RER1: variants seen among roughly 807,000 people sequenced by gnomAD.
The protein encoded by RER1 is protein RER1.
A neutral mutation model predicts 28.3 loss-of-function variants in RER1; 6 were observed. The ratio of observed to expected loss-of-function variants is 0.21; its 90% CI spans 0.12 to 0.42. The LOEUF (loss-of-function observed/expected upper bound fraction) is 0.42. Ranked by LOEUF, RER1 falls within the 10% of genes least tolerant of loss-of-function variation. RER1 has a pLI of 1.00. For synonymous variants in RER1, 110 were observed against 95.9 expected (o/e 1.15, Z -0.86); for missense variants, 159 against 252.9 (o/e 0.63, Z 2.52).
Position 2,403,372 on chromosome 1 carries a change from C to T in RER1, c.*248C>T, listed in dbSNP as rs538017546. 67 of 429,808 alleles carry T rather than the reference C, an allele frequency of 1.6e-4. No homozygotes were observed. The highest frequency in any genetic ancestry group is 1.0e-3 in the South Asian group (48 of 46,722). The allele number at this position is 429,808 out of a possible 1,614,324, so 26.6% of individuals were successfully genotyped here. A position where few individuals can be genotyped will look rare whatever the true frequency, so the allele number is the denominator to read the frequency against. Reference sequence around the variant, plus strand: ...GGATGGAATTCTAGTCAGCTGCAGGCGGGAAGCCAGGCGGGTGGAGCCCAT... The same window carrying T: ...GGATGGAATTCTAGTCAGCTGCAGGTGGGAAGCCAGGCGGGTGGAGCCCAT... On this transcript the variant is annotated 3_prime_UTR_variant, in exon 7 of 7. Coordinates refer to ENST00000605895, the MANE Select transcript of RER1 (RefSeq NM_007033.5).
chr1:2,393,500 G>A (rs1642722820), intron 1 of RER1, among the ~76,000 whole-genome samples: 1 of 152,206 alleles, frequency 6.6e-6, no homozygotes, highest in Non-Finnish European at 1.5e-5. Flanking sequence ...GGGGCAGCTG[G>A]TGTGAGGGCT....
rs1642778113 is a variant in RER1, at chr1:2,397,118, T to G, written c.84T>G (p.Ile28Met). The stretch of plus-strand genomic sequence containing the variant: ...CTTTTGGACTCTTGTCTTTCTAGAT[T>G]TATCAGTCCTGGCTAGACAAGTCCA... Reference protein sequence around the residue: ...VYRFFTRLGQIYQSWLDKSTP... With the variant: ...VYRFFTRLGQMYQSWLDKSTP... The change falls in exon 3 of 7, where the codon ATT becomes ATG. Residue 28 changes from isoleucine (I) to methionine (M), a missense_variant and splice_region_variant. Physicochemically the swap from Ile to Met is conservative, Grantham distance 10. Transcript: ENST00000605895. 6.2e-7 allele frequency: 1 copy of G among 1,603,714 alleles called. No homozygotes were observed. The highest frequency in any genetic ancestry group is 1.3e-5 in the African/African-American group (1 of 74,740).
At chr1:2,395,986 A>C in intron 2 of RER1, 115 bp downstream of exon 2, 1 of 813,892 alleles carries the variant, frequency 1.2e-6, no homozygotes, top group South Asian at 1.4e-5. Context: ...ACTTCGCCTC[A>C]GGCTCAAACT....
chr1:2,399,779 G>A (rs1322675079), intron 4 of RER1, among the ~76,000 whole-genome samples: 2 of 152,156 alleles, frequency 1.3e-5, no homozygotes, highest in African/African-American at 4.8e-5. Flanking sequence ...AGGTCACATG[G>A]CACCACAGAC....
intron 2 of RER1, 135 bp downstream of exon 2, chr1:2,396,006 C>T: frequency 4.2e-6 from 3 of 719,878 alleles, no homozygotes; most frequent in South Asian, 3.1e-5. Flanking sequence ...TTCCTGAAGA[C>T]AGCGTTCTCT....
chr1:2,399,533 A>C lies in RER1; in HGVS notation c.286+19A>C. The C allele has an allele frequency of 6.6e-7, 1 of 1,518,690 alleles. No homozygotes were observed. The highest frequency in any genetic ancestry group is 2.3e-5 in the East Asian group (1 of 44,426). The allele number at this position is 1,518,690 out of a possible 1,614,324, so 94.1% of individuals were successfully genotyped here. ...GACTCAGGTAGGGTAGCGGCTGTGC[A>C]CTGGGCTGTGTGGGCAGGTTGGGCC... is the stretch of plus-strand genomic sequence containing the variant. On this transcript the variant is annotated intron_variant, in intron 4 of 6. Transcript: ENST00000605895.
At chr1:2,396,058 C>A in intron 2 of RER1, 187 bp downstream of exon 2, 1 of 605,660 alleles carries the variant, frequency 1.7e-6, no homozygotes. Context: ...GGCTCTGGGG[C>A]CACACGTGGT....
At chr1:2,396,483 G>A (rs1005579329) in intron 2 of RER1, 2 of 152,624 alleles carry the variant, frequency 1.3e-5, no homozygotes, top group Non-Finnish European at 2.9e-5. Flanking sequence ...ACAGGCATAT[G>A]TAAGCTTCTA....
In RER1 at chr1:2,405,079, T is replaced by C. The variant is rs1438950774; in HGVS notation, c.*1955T>C. 1 of 160,328 alleles carries C rather than the reference T, an allele frequency of 6.2e-6. No individual in the cohort carries two copies. Among genetic ancestry groups the C allele is most frequent in the East Asian group, 1.8e-4 (1 of 5,494 alleles). 9.9% of individuals were successfully genotyped at this position (160,328 alleles called of 1,614,324 possible). A position where few individuals can be genotyped will look rare whatever the true frequency, so the allele number is the denominator to read the frequency against. On this transcript the variant is annotated 3_prime_UTR_variant, in exon 7 of 7. Transcript: ENST00000605895. ...CGTCTGGGTCAGGAAGAGACCTCTCTGTGCGTCTCAGGCTGAGATGCAGAT... is the reference window on the plus strand; with the variant it reads ...CGTCTGGGTCAGGAAGAGACCTCTCCGTGCGTCTCAGGCTGAGATGCAGAT...
Position 2,398,529 on chromosome 1 carries a change from C to G in RER1, c.187-886C>G, listed in dbSNP as rs1642801038. Among the ~76,000 whole-genome samples the G allele has an allele frequency of 3.3e-5, 5 of 152,338 alleles. No homozygotes were observed. The South Asian group carries it at 8.3e-4, about 25-fold the overall frequency. ...TCAGCTTCCCGAGCAGCTGGGATCACAGGCATGTGCCACCATGCCTGGCTA... is the reference window on the plus strand; with the variant it reads ...TCAGCTTCCCGAGCAGCTGGGATCAGAGGCATGTGCCACCATGCCTGGCTA... On this transcript the variant is annotated intron_variant, in intron 3 of 6. Coordinates refer to ENST00000605895, the MANE Select transcript of RER1 (RefSeq NM_007033.5).
chr1:2,401,766 G>T (rs967236352), intron 5 of RER1, among the ~76,000 whole-genome samples: 2 of 152,136 alleles, frequency 1.3e-5, no homozygotes, highest in African/African-American at 4.8e-5. Context: ...ACTAGGAAGG[G>T]AGAGCTGAGC....
At position 2,399,051 on chromosome 1, in the gene RER1, C is replaced by T. The variant is rs181695415; in HGVS notation, c.187-364C>T. ...GGCCAGCATCGCTCAGGTGCCCGGG[C>T]CACCCGAGCCTGTGGTGTAGCTTGA... On this transcript the variant is annotated intron_variant, in intron 3 of 6. Coordinates refer to ENST00000605895, the MANE Select transcript of RER1 (RefSeq NM_007033.5). Among the ~76,000 whole-genome samples the T allele has an allele frequency of 2.6e-3, 391 of 152,318 alleles. 3 individuals carry two copies. The highest frequency in any genetic ancestry group is 9.3e-3 in the African/African-American group (386 of 41,574).
chr1:2,401,159 G>A (rs1047531164), intron 5 of RER1, among the ~76,000 whole-genome samples: 8 of 151,654 alleles, frequency 5.3e-5, no homozygotes, highest in African/African-American at 1.2e-4. Context: ...GATGGAGTGC[G>A]CACCGGCTTC....
rs1557903758 is a variant in RER1, at chr1:2,401,267, CCCTCCCT to C, written c.365+345_365+351del. Among the ~76,000 whole-genome samples, 5 of 29,148 alleles carry C rather than the reference CCCTCCCT, an allele frequency of 1.7e-4. 1 individual carries two copies. Among genetic ancestry groups the C allele is most frequent in the Non-Finnish European group, 2.9e-4 (4 of 13,614 alleles). The allele number at this position is 29,148 out of a possible 152,430, so 19.1% of individuals were successfully genotyped here. ...TCCTCCCTCCTTCCTCCCTCCTCCA[CCCTCCCT>C]CCTCCCTCCTCCTTCCTCCCTCCTT... On this transcript the variant is annotated intron_variant, in intron 5 of 6. Transcript: ENST00000605895.
chr1:2,401,850 G>A (rs1160457726), intron 5 of RER1: 1 of 602,582 alleles, frequency 1.7e-6, no homozygotes, highest in South Asian at 2.2e-5. Context: ...ACAGTGACAA[G>A]GTGAAGGCCC....
At position 2,401,944 on chromosome 1, in the gene RER1, G is replaced by A. The variant is rs1041922179; in HGVS notation, c.366-263G>A. The A allele has an allele frequency of 8.6e-6, 12 of 1,393,034 alleles. No homozygotes were observed. In the East Asian group the frequency reaches 2.8e-4, roughly 32 times the overall value. 86.3% of individuals were successfully genotyped at this position (1,393,034 alleles called of 1,614,324 possible). A position where few individuals can be genotyped will look rare whatever the true frequency, so the allele number is the denominator to read the frequency against. ...GCATGGGGCCCCCAGCCTCAGTACT[G>A]ATGCTTTATACTTTGTGTAGTTTTA... On this transcript the variant is annotated intron_variant, in intron 5 of 6. Transcript: ENST00000605895.
rs1642908767 is a variant in RER1 at position 2,403,639 on chromosome 1, A to G, written c.*515A>G. The G allele has an allele frequency of 6.4e-6, 1 of 155,534 alleles. No individual in the cohort carries two copies. Among genetic ancestry groups the G allele is most frequent in the Non-Finnish European group, 1.4e-5 (1 of 69,932 alleles). The allele number at this position is 155,534 out of a possible 1,614,324, so 9.6% of individuals were successfully genotyped here. A position where few individuals can be genotyped will look rare whatever the true frequency, so the allele number is the denominator to read the frequency against. ...GTTCTAATGCCAGTTTCCTAATTCC[A>G]TCTCACTGGAGATGTTTAAAGTTGG... On this transcript the variant is annotated 3_prime_UTR_variant, in exon 7 of 7. Transcript: ENST00000605895.
At chr1:2,399,570 A>G (rs889121188) in intron 4 of RER1, 56 bp downstream of exon 4, 2 of 1,070,560 alleles carry the variant, frequency 1.9e-6, no homozygotes, top group Non-Finnish European at 2.9e-6. Context: ...TTCTTTTCTG[A>G]TGGGATTGCC....
chr1:2,395,379 C>CGG, intron 1 of RER1: 1 of 242,074 alleles, frequency 4.1e-6, no homozygotes, highest in Non-Finnish European at 8.3e-6. Flanking sequence ...GACAAGGTGC[C>CGG]TGGGCGGGGG....
Sources: gnomAD v4.1 joint callset for allele counts (sites outside exome capture counted in the v4.1 genomes callset) on GRCh38, gnomAD v4.1.1 for gene constraint, MANE v1.5 for transcripts, NCBI Gene and HGNC (gene_info 2026-07-23, HGNC 2026-07-21) for gene names.